The following DAO variants were observed in gnomAD, a reference collection of about 807,000 sequenced individuals.
The protein encoded by DAO is D-amino acid oxidase, also known as D-amino-acid oxidase.
A neutral mutation model predicts 50.1 loss-of-function variants in DAO; 51 were observed. That is an observed-to-expected ratio of 1.02 (90% CI 0.81 to 1.29). DAO has a LOEUF of 1.29. Ranked by LOEUF, DAO falls within the 50% of genes most tolerant of loss-of-function variation. DAO has a pLI of 0.00. For synonymous variants in DAO, 160 were observed against 166.2 expected (o/e 0.96, Z 0.29); for missense variants, 436 against 439.4 (o/e 0.99, Z 0.07).
intron 1 of DAO, among the ~76,000 whole-genome samples, chr12:108,881,429 C>T (rs2039377119): frequency 1.3e-5 from 2 of 148,726 alleles, no homozygotes; most frequent in Non-Finnish European, 3.0e-5. Context: ...GACAATCTGT[C>T]TCTGGCTTGT....
At chr12:108,893,318 GT>G (rs1443678541) in intron 6 of DAO, among the ~76,000 whole-genome samples, 1 of 152,138 alleles carries the variant, frequency 6.6e-6, no homozygotes, top group Non-Finnish European at 1.5e-5. Context: ...CATTTTCTCA[GT>G]GTCAGCTGCA....
chr12:108,894,641 T>C (rs2039527375), intron 7 of DAO, among the ~76,000 whole-genome samples: 1 of 152,170 alleles, frequency 6.6e-6, no homozygotes, highest in African/African-American at 2.4e-5. Flanking sequence ...CATTAGAGTG[T>C]TTACCAAGCG....
chr12:108,895,744 T>C (rs2039547002), intron 7 of DAO, among the ~76,000 whole-genome samples: 2 of 149,414 alleles, frequency 1.3e-5, no homozygotes, highest in Admixed American at 1.3e-4. Flanking sequence ...GGTGTGTGTG[T>C]GCATGTGTGT....
At chr12:108,892,448 G>A (rs2039501828) in intron 5 of DAO, among the ~76,000 whole-genome samples, 2 of 152,106 alleles carry the variant, frequency 1.3e-5, no homozygotes, top group African/African-American at 2.4e-5. Context: ...TTACAGGCGT[G>A]AGCCACCGCG....
chr12:108,885,115 G>A lies in DAO; in HGVS notation c.109G>A (p.Asp37Asn). 1 of 1,613,746 alleles carries A rather than the reference G, an allele frequency of 6.2e-7. No homozygotes were observed. Among genetic ancestry groups the A allele is most frequent in the Non-Finnish European group, 8.5e-7 (1 of 1,179,668 alleles). ...LQPLDIKVYA[D>N]RFTPLTTTDV... Reference sequence around the variant, plus strand: ...GCCACTGGACATAAAGGTCTACGCGGACCGCTTCACCCCACTCACCACCAC... The same window carrying A: ...GCCACTGGACATAAAGGTCTACGCGAACCGCTTCACCCCACTCACCACCAC... Residue 37 changes from aspartate to asparagine, a missense_variant, in exon 2 of 11, where the codon GAC becomes AAC. Coordinates refer to ENST00000228476, the MANE Select transcript of DAO (RefSeq NM_001917.5).
chr12:108,884,257 T>A (rs1391088268), intron 1 of DAO, among the ~76,000 whole-genome samples: 1 of 152,180 alleles, frequency 6.6e-6, no homozygotes, highest in Non-Finnish European at 1.5e-5. Flanking sequence ...GTGTGTTGAG[T>A]TTACTCAAAT....
At position 108,889,559 on chromosome 12, in the gene DAO, C is replaced by A; in HGVS notation, c.386+14C>A. The A allele has an allele frequency of 1.9e-6, 3 of 1,606,892 alleles. No individual in the cohort carries two copies. The highest frequency in any genetic ancestry group is 2.2e-5 in the South Asian group (2 of 90,892). The stretch of plus-strand genomic sequence containing the variant: ...CCCAGATTACGGGTGAGTTTATTGT[C>A]ACAGGCAAAGGGGACTGGGGCCTGA... On this transcript the variant is annotated intron_variant, in intron 4 of 10. Coordinates refer to ENST00000228476, the MANE Select transcript of DAO (RefSeq NM_001917.5).
intron 3 of DAO, 88 bp downstream of exon 3, chr12:108,887,652 G>A: frequency 1.1e-6 from 1 of 936,332 alleles, no homozygotes; most frequent in Admixed American, 1.7e-5. Flanking sequence ...TCACAGATGA[G>A]GGCGGGGTGC....
At chr12:108,883,521 C>T (rs2039403267) in intron 1 of DAO, 1 of 415,410 alleles carries the variant, frequency 2.4e-6, no homozygotes, top group Admixed American at 2.6e-5. Flanking sequence ...AGGAAGGAGG[C>T]TGCTGTGTGT....
chr12:108,882,921 G>A (rs1342749837), intron 1 of DAO, among the ~76,000 whole-genome samples: 1 of 152,126 alleles, frequency 6.6e-6, no homozygotes, highest in African/African-American at 2.4e-5. Flanking sequence ...GCTGAGGGGG[G>A]AGGATTGCTT....
At position 108,897,122 on chromosome 12, in the gene DAO, T is replaced by C. The variant is rs762998898; in HGVS notation, c.695+34T>C. On this transcript the variant is annotated intron_variant, in intron 8 of 10. Transcript: ENST00000228476. ...GGACTGTTCTCGGGCAGAAGAGTGG[T>C]CCCCTTCATGCCCTCTTCATGACCC... 5 of 1,483,560 alleles carry C rather than the reference T, an allele frequency of 3.4e-6. No individual in the cohort carries two copies. The South Asian group carries it at 4.5e-5, about 13-fold the overall frequency. 91.9% of individuals were successfully genotyped at this position (1,483,560 alleles called of 1,614,324 possible). A position where few individuals can be genotyped will look rare whatever the true frequency, so the allele number is the denominator to read the frequency against.
At chr12:108,894,493 A>C in intron 7 of DAO, 126 bp downstream of exon 7, 1 of 800,858 alleles carries the variant, frequency 1.2e-6, no homozygotes. Flanking sequence ...ACTGCAGGGA[A>C]TTGACATGTA....
intron 5 of DAO, among the ~76,000 whole-genome samples, chr12:108,890,536 T>C (rs2039480332): frequency 6.6e-6 from 1 of 152,234 alleles, no homozygotes. Flanking sequence ...CTAATGTTTG[T>C]GTAATAGTTT....
At chr12:108,882,395 C>T (rs968733667) in intron 1 of DAO, among the ~76,000 whole-genome samples, 3 of 152,250 alleles carry the variant, frequency 2.0e-5, no homozygotes, top group Non-Finnish European at 1.5e-5. Flanking sequence ...TGCCTGTAAT[C>T]CCAGCTACTC....
At chr12:108,891,993 G>T (rs545934452) in intron 5 of DAO, among the ~76,000 whole-genome samples, 1 of 152,074 alleles carries the variant, frequency 6.6e-6, no homozygotes, top group East Asian at 1.9e-4. Flanking sequence ...TCCTAACCTG[G>T]GGACACATGA....
chr12:108,885,236 C>T (rs2039423737), intron 2 of DAO, 36 bp downstream of exon 2: 3 of 1,598,444 alleles, frequency 1.9e-6, no homozygotes, highest in Non-Finnish European at 2.6e-6. Flanking sequence ...CTGGGGTGCC[C>T]ATGGACCTAA....
At chr12:108,895,364 GGT>G (rs1253726326) in intron 7 of DAO, among the ~76,000 whole-genome samples, 1 of 127,598 alleles carries the variant, frequency 7.8e-6, no homozygotes, top group Non-Finnish European at 1.6e-5. Flanking sequence ...TGTGTGTGAG[GGT>G]GTGTGCATAT....
At chr12:108,896,371 C>T (rs2039555430) in intron 7 of DAO, among the ~76,000 whole-genome samples, 2 of 102,252 alleles carry the variant, frequency 2.0e-5, no homozygotes, top group Admixed American at 1.3e-4. Context: ...TGCAGTGAGC[C>T]GAGACTACAC....
In DAO at chr12:108,894,245, C is replaced by G; in HGVS notation, c.508-18C>G. 2 of 1,601,598 alleles carry G rather than the reference C, an allele frequency of 1.2e-6. No individual in the cohort carries two copies. The highest frequency in any genetic ancestry group is 1.7e-6 in the Non-Finnish European group (2 of 1,169,444). On this transcript the variant is annotated intron_variant, in intron 6 of 10. Transcript: ENST00000228476. ...TTCCCCACCTTTCATCCCCCACTAC[C>G]CTGTTGGTTGCTACCAGGTGGCAAG...
Sources: allele counts gnomAD v4.1 joint callset (sites outside exome capture counted in the v4.1 genomes callset), GRCh38; gene constraint gnomAD v4.1.1; transcripts MANE v1.5; gene names NCBI Gene and HGNC (gene_info 2026-07-23, HGNC 2026-07-21).